The following PCDH15 variants were observed in gnomAD, a reference collection of about 807,000 sequenced individuals.
The protein encoded by PCDH15 is protocadherin related 15.
A neutral mutation model predicts 178.5 loss-of-function variants in PCDH15; 129 were observed. The observed-to-expected ratio is 0.72, with a 90% confidence interval of 0.63 to 0.84. The LOEUF (loss-of-function observed/expected upper bound fraction) is 0.84. Ranked by LOEUF, PCDH15 falls within the 40% of genes least tolerant of loss-of-function variation. The pLI is 0.00. For synonymous variants in PCDH15, 800 were observed against 732.0 expected, an observed-to-expected ratio of 1.09 and a Z score of -1.50; for missense variants, 2,230 against 2,099.9, an observed-to-expected ratio of 1.06 and a Z score of -1.21.
intron 1 of PCDH15, among the ~76,000 whole-genome samples, chr10:55,226,106 C>G (rs565555246): frequency 6.6e-6 from 1 of 152,126 alleles, no homozygotes; most frequent in East Asian, 1.9e-4. Context: ...TATGCTTAAA[C>G]ACATCAGTTA....
intron 25 of PCDH15, among the ~76,000 whole-genome samples, chr10:53,922,039 T>A (rs1589431990): frequency 7.2e-6 from 1 of 138,432 alleles, no homozygotes; most frequent in East Asian, 1.9e-4. Context: ...ATCATTTTAA[T>A]TTTTTTTTGA....
chr10:54,503,263 G>A (rs2080872050), intron 3 of PCDH15, among the ~76,000 whole-genome samples: 1 of 132,176 alleles, frequency 7.6e-6, no homozygotes, highest in Non-Finnish European at 1.6e-5. Context: ...GTGTGTGTGT[G>A]TGATTATATA....
chr10:55,190,902 TA>T (rs1026876999), intron 1 of PCDH15, among the ~76,000 whole-genome samples: 2 of 151,512 alleles, frequency 1.3e-5, no homozygotes, highest in Non-Finnish European at 3.0e-5. Context: ...CCAAATTCAT[TA>T]TTTTTTTTTG....
chr10:54,741,964 A>G (rs954288974), intron 1 of PCDH15, among the ~76,000 whole-genome samples: 1 of 152,098 alleles, frequency 6.6e-6, no homozygotes, highest in African/African-American at 2.4e-5. Flanking sequence ...GTGAGGTATA[A>G]GACATTAACA....
At chr10:54,858,001 C>G (rs1244132874) in intron 3 of PCDH15, among the ~76,000 whole-genome samples, 1 of 148,532 alleles carries the variant, frequency 6.7e-6, no homozygotes, top group Non-Finnish European at 1.5e-5. Context: ...TTATTACTAA[C>G]TAGGGTTATG....
intron 1 of PCDH15, among the ~76,000 whole-genome samples, chr10:54,686,301 T>G: frequency 6.6e-6 from 1 of 152,126 alleles, no homozygotes; most frequent in Middle Eastern, 3.2e-3. Context: ...AAAGGCCATT[T>G]AATAGTTGAA....
At chr10:54,201,677 AT>A (rs1299004728) in intron 10 of PCDH15, among the ~76,000 whole-genome samples, 2 of 152,136 alleles carry the variant, frequency 1.3e-5, no homozygotes, top group African/African-American at 2.4e-5. Context: ...GGCTTTAAAT[AT>A]TTTTTTAAAA....
intron 2 of PCDH15, among the ~76,000 whole-genome samples, chr10:55,586,423 TGTAAC>T (rs1369347554): frequency 6.6e-6 from 1 of 152,118 alleles, no homozygotes; most frequent in Non-Finnish European, 1.5e-5. Flanking sequence ...AGGCCAGTCT[TGTAAC>T]TGAAACCCAT....
rs1035785823 is a variant in PCDH15 at position 54,849,224 on chromosome 10, C to G, written c.-29+48226G>C. 4.6e-5 allele frequency among the ~76,000 whole-genome samples: 7 copies of G among 152,202 alleles called. No homozygotes were observed. The South Asian group carries it at 1.0e-3, about 23-fold the overall frequency. The stretch of plus-strand genomic sequence containing the variant: ...AAACTACGCTTTCTGAATTTCAGCC[C>G]ATTTTTGTCTTTAGCATGCTGTTAA... On this transcript the variant is annotated intron_variant, in intron 3 of 5. Transcript: ENST00000458638.
At chr10:54,159,274 G>T (rs1048764009) in intron 13 of PCDH15, among the ~76,000 whole-genome samples, 18 of 152,082 alleles carry the variant, frequency 1.2e-4, no homozygotes, top group African/African-American at 3.6e-4. Flanking sequence ...ATTCAAGTTG[G>T]TATAGTCAAG....
At chr10:54,117,883 T>C (rs1011986273) in intron 15 of PCDH15, among the ~76,000 whole-genome samples, 4 of 152,006 alleles carry the variant, frequency 2.6e-5, no homozygotes, top group South Asian at 2.1e-4. Flanking sequence ...ATGGGCCTCA[T>C]AGGGGAGGAA....
intron 2 of PCDH15, among the ~76,000 whole-genome samples, chr10:54,986,484 A>T (rs1352073034): frequency 6.6e-6 from 1 of 152,154 alleles, no homozygotes; most frequent in East Asian, 1.9e-4. Context: ...TTCAAAATAA[A>T]TCTGTATTTG....
chr10:55,353,954 T>C (rs1279956006), intron 2 of PCDH15, among the ~76,000 whole-genome samples: 1 of 152,098 alleles, frequency 6.6e-6, no homozygotes, highest in Admixed American at 6.6e-5. Context: ...TATTCAGCAG[T>C]TGATAGCTCA....
At chr10:54,842,823 T>C (rs1302455621) in intron 3 of PCDH15, among the ~76,000 whole-genome samples, 2 of 151,980 alleles carry the variant, frequency 1.3e-5, no homozygotes, top group African/African-American at 4.8e-5. Context: ...TTATGTTTTC[T>C]AGTACAGGTG....
At chr10:54,877,938 CTTTTTTTTTTTTTTTTTTT>C (rs1203452904) in intron 3 of PCDH15, among the ~76,000 whole-genome samples, 1 of 8,088 alleles carries the variant, frequency 1.2e-4, no homozygotes, top group Non-Finnish European at 2.3e-4. Context: ...CTCTCTCTCT[CTTTTTTTTTTTTTTTTTTT>C]TTTTTTTTTT....
intron 2 of PCDH15, among the ~76,000 whole-genome samples, chr10:55,561,496 T>C (rs1421122050): frequency 6.6e-6 from 1 of 151,930 alleles, no homozygotes; most frequent in Non-Finnish European, 1.5e-5. Context: ...ATAATATTTT[T>C]TCAGGTGTCT....
intron 3 of PCDH15, among the ~76,000 whole-genome samples, chr10:54,523,907 G>C (rs1202780868): frequency 6.6e-6 from 1 of 152,118 alleles, no homozygotes; most frequent in African/African-American, 2.4e-5. Flanking sequence ...AGAGAAGAAA[G>C]GCCTTAAAGA....
intron 2 of PCDH15, among the ~76,000 whole-genome samples, chr10:55,371,036 T>A (rs1490445953): frequency 6.6e-6 from 1 of 152,138 alleles, no homozygotes; most frequent in Non-Finnish European, 1.5e-5. Context: ...AATCTTTTCA[T>A]GAGTTTCTAT....
At chr10:54,677,723 T>A (rs958293635) in intron 1 of PCDH15, among the ~76,000 whole-genome samples, 1 of 152,208 alleles carries the variant, frequency 6.6e-6, no homozygotes, top group Non-Finnish European at 1.5e-5. Context: ...GTCTGGATTT[T>A]CATATGCAAT....
Sources: allele counts gnomAD v4.1 joint callset (sites outside exome capture counted in the v4.1 genomes callset), GRCh38; gene constraint gnomAD v4.1.1; transcripts MANE v1.5; gene names NCBI Gene and HGNC (gene_info 2026-07-23, HGNC 2026-07-21).